The following DLG2 variants were observed in gnomAD, a reference collection of about 807,000 sequenced individuals.
The protein encoded by DLG2 is disks large homolog 2.
In DLG2, 45 loss-of-function variants were observed where a neutral mutation model predicts 132.5. The observed-to-expected ratio is 0.34, with a 90% CI of 0.27 to 0.44. The LOEUF (loss-of-function observed/expected upper bound fraction) is 0.44, where lower values mean the gene tolerates loss of function less well. DLG2 is among the 20% of genes least tolerant of loss of function. The pLI is 1.00. For synonymous variants in DLG2, 424 were observed against 419.6 expected, an observed-to-expected ratio of 1.01 and a Z score of -0.13; for missense variants, 1,045 against 1,196.9, an observed-to-expected ratio of 0.87 and a Z score of 1.87.
chr11:83,949,886 G>A (rs536077816), intron 14 of DLG2, among the ~76,000 whole-genome samples: 1 of 152,206 alleles, frequency 6.6e-6, no homozygotes, highest in South Asian at 2.1e-4. Flanking sequence ...TATGGGTAGG[G>A]CCTTCAATAA....
At chr11:83,601,635 CCATGTAGCTGGGACTACAGGCA>C (rs58483509) in intron 19 of DLG2, among the ~76,000 whole-genome samples, 30,480 of 150,974 alleles carry the variant, frequency 0.2, 3,323 homozygotes, top group Non-Finnish European at 0.24. Context: ...CCTCGGCCTC[CCATGTAGCTGGGACTACAGGCA>C]CATGCCAACA....
At chr11:83,747,357 T>C (rs2092999412) in intron 18 of DLG2, among the ~76,000 whole-genome samples, 1 of 146,054 alleles carries the variant, frequency 6.8e-6, no homozygotes, top group East Asian at 2.0e-4. Flanking sequence ...CCTTCCTGCC[T>C]TCCTTCCTGT....
chr11:84,945,580 C>A (rs1191347941), intron 6 of DLG2, among the ~76,000 whole-genome samples: 2 of 152,194 alleles, frequency 1.3e-5, no homozygotes, highest in African/African-American at 2.4e-5. Context: ...CCGATGTTCC[C>A]TCAAGGCTCA....
chr11:84,979,656 T>C (rs566922286), intron 6 of DLG2, among the ~76,000 whole-genome samples: 3 of 138,680 alleles, frequency 2.2e-5, no homozygotes, highest in South Asian at 4.5e-4. Flanking sequence ...GGGCCTGTTG[T>C]GGGGTGGGGG....
At chr11:84,534,072 G>C (rs1282215748) in intron 7 of DLG2, among the ~76,000 whole-genome samples, 1 of 152,130 alleles carries the variant, frequency 6.6e-6, no homozygotes, top group Non-Finnish European at 1.5e-5. Context: ...GTTGGGAAAA[G>C]TATGACAATG....
At chr11:83,515,259 G>A (rs1345241602) in intron 21 of DLG2, among the ~76,000 whole-genome samples, 1 of 152,052 alleles carries the variant, frequency 6.6e-6, no homozygotes, top group Non-Finnish European at 1.5e-5. Flanking sequence ...GTCTTGGGAG[G>A]GTGTATGTGT....
intron 18 of DLG2, among the ~76,000 whole-genome samples, chr11:83,667,309 C>T (rs555221591): frequency 3.9e-5 from 6 of 152,248 alleles, no homozygotes; most frequent in Admixed American, 2.0e-4. Context: ...GTCCTACCTA[C>T]GCTTATTATA....
At chr11:84,464,999 T>C (rs1432898732) in intron 7 of DLG2, among the ~76,000 whole-genome samples, 1 of 151,240 alleles carries the variant, frequency 6.6e-6, no homozygotes, top group Non-Finnish European at 1.5e-5. Context: ...TGACAGAATA[T>C]TCCAGGTTGA....
chr11:85,496,850 G>A (rs2093679290), intron 3 of DLG2, among the ~76,000 whole-genome samples: 1 of 152,008 alleles, frequency 6.6e-6, no homozygotes, highest in Non-Finnish European at 1.5e-5. Flanking sequence ...CTGTTAGAAG[G>A]AAAACTAACA....
At chr11:84,070,596 T>G (rs1052862227) in intron 10 of DLG2, among the ~76,000 whole-genome samples, 5 of 152,206 alleles carry the variant, frequency 3.3e-5, no homozygotes, top group African/African-American at 1.2e-4. Flanking sequence ...TATATGGAAT[T>G]CATAATTGTA....
intron 8 of DLG2, among the ~76,000 whole-genome samples, chr11:84,211,278 T>A (rs1445382552): frequency 2.6e-5 from 4 of 152,220 alleles, no homozygotes; most frequent in Non-Finnish European, 5.9e-5. Context: ...CAGAGATGAA[T>A]GCAAATGATA....
chr11:85,192,113 G>A (rs528269759), intron 4 of DLG2, among the ~76,000 whole-genome samples: 6 of 152,270 alleles, frequency 3.9e-5, no homozygotes, highest in South Asian at 2.1e-4. Context: ...TGGAATTCGC[G>A]TACAGGCTTT....
At chr11:84,024,303 G>A (rs1440967277) in intron 11 of DLG2, among the ~76,000 whole-genome samples, 1 of 152,162 alleles carries the variant, frequency 6.6e-6, no homozygotes, top group Non-Finnish European at 1.5e-5. Flanking sequence ...CATCTTTAGT[G>A]CAGATTGAGG....
chr11:84,706,524 G>A (rs1418827273), intron 6 of DLG2, among the ~76,000 whole-genome samples: 1 of 151,710 alleles, frequency 6.6e-6, no homozygotes, highest in Non-Finnish European at 1.5e-5. Context: ...GTCTGTGATA[G>A]GTAATAAGGA....
intron 6 of DLG2, among the ~76,000 whole-genome samples, chr11:84,676,500 C>A (rs895316815): frequency 6.6e-6 from 1 of 151,970 alleles, no homozygotes; most frequent in Admixed American, 6.6e-5. Context: ...TATCACACAC[C>A]CTTTAATCAA....
intron 6 of DLG2, among the ~76,000 whole-genome samples, chr11:84,823,580 T>G (rs1566061306): frequency 1.1e-5 from 1 of 94,480 alleles, no homozygotes; most frequent in African/African-American, 4.0e-5. Context: ...TGGTTGTATA[T>G]CCACACACAC....
chr11:83,497,346 C>T (rs2138738056), intron 21 of DLG2, among the ~76,000 whole-genome samples: 1 of 152,206 alleles, frequency 6.6e-6, no homozygotes, highest in East Asian at 1.9e-4. Context: ...AATTCGACAC[C>T]AGCCTGATCA....
intron 6 of DLG2, among the ~76,000 whole-genome samples, chr11:84,706,259 G>T (rs764036050): frequency 4.0e-5 from 6 of 151,828 alleles, no homozygotes; most frequent in Admixed American, 6.6e-5. Context: ...TATATGCAAT[G>T]ATTAAATAAT....
At chr11:84,388,334 T>A (rs1334809378) in intron 7 of DLG2, among the ~76,000 whole-genome samples, 1 of 151,980 alleles carries the variant, frequency 6.6e-6, no homozygotes, top group African/African-American at 2.4e-5. Flanking sequence ...AAAACCCACA[T>A]CTATTCCATC....
Sources: allele counts gnomAD v4.1 joint callset (sites outside exome capture counted in the v4.1 genomes callset), GRCh38; gene constraint gnomAD v4.1.1; transcripts MANE v1.5; gene names NCBI Gene and HGNC (gene_info 2026-07-23, HGNC 2026-07-21).